Variants in PDE8B observed in about 807,000 individuals in gnomAD.
PDE8B encodes high affinity cAMP-specific and IBMX-insensitive 3',5'-cyclic phosphodiesterase 8B.
In PDE8B, 26 loss-of-function variants were observed where a neutral mutation model predicts 101.3. The ratio of observed to expected loss-of-function variants is 0.26; its 90% CI spans 0.19 to 0.36. The LOEUF is 0.36. Ranked by LOEUF, PDE8B falls within the 10% of genes least tolerant of loss-of-function variation. PDE8B has a pLI of 1.00. For missense variants in PDE8B, 810 were observed against 1,163.1 expected, an observed-to-expected ratio of 0.70 and a Z score of 4.42; for synonymous variants, 424 against 429.3, an observed-to-expected ratio of 0.99 and a Z score of 0.15.
chr5:77,097,685 T>TTATATATATATATATATATATATATA, the PDE8B span, among the ~76,000 whole-genome samples: 1 of 18,114 alleles, frequency 5.5e-5, no homozygotes, highest in Non-Finnish European at 1.4e-4. Context: ...TGTGGAGATT[T>TTATATATATATATATATATATATATA]TATATATCTA....
chr5:77,339,838 C>T (rs572709608), intron 6 of PDE8B, among the ~76,000 whole-genome samples: 3 of 151,810 alleles, frequency 2.0e-5, no homozygotes, highest in Non-Finnish European at 2.9e-5. Flanking sequence ...TTTACTTAAC[C>T]GAGAAACAAA....
At chr5:77,333,548 G>A (rs769506401) in intron 5 of PDE8B, among the ~76,000 whole-genome samples, 16 of 152,110 alleles carry the variant, frequency 1.1e-4, no homozygotes, top group Non-Finnish European at 1.8e-4. Context: ...ACACACTGTG[G>A]GTTTTATCGA....
intron 10 of PDE8B, among the ~76,000 whole-genome samples, chr5:77,372,201 A>AAACAACAACAAC (rs3031818): frequency 0.056 from 8,503 of 151,592 alleles, 439 homozygotes; most frequent in African/African-American, 0.13. Context: ...TTCTGTCTCA[A>AAACAACAACAAC]AACAACAACA....
intron 15 of PDE8B, 141 bp from the exon 16 acceptor site, chr5:77,411,959 T>C: frequency 2.3e-6 from 2 of 855,926 alleles, no homozygotes; most frequent in Non-Finnish European, 3.9e-6. Context: ...TATTTTTCTA[T>C]TTGAGGGTCT....
intron 10 of PDE8B, among the ~76,000 whole-genome samples, chr5:77,398,971 T>A (rs1209401827): frequency 6.6e-6 from 1 of 152,204 alleles, no homozygotes; most frequent in East Asian, 1.9e-4. Flanking sequence ...AAGAGGCTGA[T>A]GAATCCCGTT....
chr5:77,323,564 A>G (rs1200501520), intron 2 of PDE8B, among the ~76,000 whole-genome samples: 2 of 152,316 alleles, frequency 1.3e-5, no homozygotes, highest in East Asian at 3.9e-4. Context: ...ATGAACTCAC[A>G]TTGGCTAGGA....
At chr5:77,426,299 A>C in intron 21 of PDE8B, 146 bp from the exon 22 acceptor site, 1 of 684,402 alleles carries the variant, frequency 1.5e-6, no homozygotes, top group East Asian at 2.7e-5. Flanking sequence ...TTCAGAAACT[A>C]GTGTTTAATG....
chr5:77,258,496 T>C (rs1289711625), intron 1 of PDE8B, among the ~76,000 whole-genome samples: 2 of 152,100 alleles, frequency 1.3e-5, no homozygotes, highest in Non-Finnish European at 2.9e-5. Context: ...TATTTAATCA[T>C]TAGCTGTATC....
the PDE8B span, chr5:77,145,095 G>A: frequency 1.3e-5 from 2 of 151,700 alleles, no homozygotes; most frequent in East Asian, 1.9e-4. Flanking sequence ...AATATATAGT[G>A]TATAATATAT....
intron 1 of PDE8B, among the ~76,000 whole-genome samples, chr5:77,282,207 A>G (rs1561464924): frequency 6.6e-6 from 1 of 152,154 alleles, no homozygotes; most frequent in East Asian, 1.9e-4. Context: ...TGGCAGTCCT[A>G]GTGCTCCAGC....
intron 1 of PDE8B, among the ~76,000 whole-genome samples, chr5:77,235,627 T>TCATC (rs1754505685): frequency 1.3e-5 from 2 of 152,210 alleles, no homozygotes; most frequent in Non-Finnish European, 2.9e-5. Context: ...TTTCATTCAT[T>TCATC]CATCCATTCA....
chr5:77,310,441 G>A (rs750562915), intron 1 of PDE8B, among the ~76,000 whole-genome samples: 1 of 152,238 alleles, frequency 6.6e-6, no homozygotes, highest in Non-Finnish European at 1.5e-5. Flanking sequence ...GGCTACTGGT[G>A]TCAGCACCCA....
intron 5 of PDE8B, among the ~76,000 whole-genome samples, chr5:77,334,438 C>G (rs186448884): frequency 1.7e-4 from 26 of 152,288 alleles, no homozygotes; most frequent in Admixed American, 3.3e-4. Flanking sequence ...TTTATATCAA[C>G]TTTATGTGCC....
the PDE8B span, chr5:77,146,835 G>A: frequency 5.7e-6 from 2 of 352,034 alleles, no homozygotes; most frequent in Non-Finnish European, 1.2e-5. Context: ...CGAAAAAGTA[G>A]TTCAAGGATC....
At chr5:77,420,957 G>A (rs1796520135) in intron 19 of PDE8B, among the ~76,000 whole-genome samples, 1 of 152,194 alleles carries the variant, frequency 6.6e-6, no homozygotes, top group African/African-American at 2.4e-5. Flanking sequence ...CAAATGTCAT[G>A]CAGCCTTTTG....
intron 1 of PDE8B, chr5:77,290,474 A>C (rs1299279058): frequency 1.4e-6 from 2 of 1,462,972 alleles, no homozygotes; most frequent in Admixed American, 3.3e-5. Context: ...AAGCAACAGA[A>C]GCATGGAAAA....
chr5:77,093,603 T>C, the PDE8B span, among the ~76,000 whole-genome samples: 1 of 152,228 alleles, frequency 6.6e-6, no homozygotes, highest in Middle Eastern at 3.2e-3. Flanking sequence ...GAGATGTCTT[T>C]GGTGTTGGGC....
intron 1 of PDE8B, among the ~76,000 whole-genome samples, chr5:77,252,967 A>G (rs1758370665): frequency 6.6e-6 from 1 of 152,196 alleles, no homozygotes; most frequent in Non-Finnish European, 1.5e-5. Flanking sequence ...ATTGTAGAGC[A>G]AAGCATTGTA....
chr5:77,412,351 C>A, intron 16 of PDE8B, 116 bp downstream of exon 16: 2 of 998,402 alleles, frequency 2.0e-6, no homozygotes, highest in Non-Finnish European at 3.1e-6. Context: ...CGGGTTCTGG[C>A]TCTCATGCCA....
Sources: allele counts gnomAD v4.1 joint callset (sites outside exome capture counted in the v4.1 genomes callset), GRCh38; gene constraint gnomAD v4.1.1; transcripts MANE v1.5; gene names NCBI Gene and HGNC (gene_info 2026-07-23, HGNC 2026-07-21).